The following SPMIP7 variants were observed in gnomAD, a reference collection of about 807,000 sequenced individuals.
The protein encoded by SPMIP7 is protein SPMIP7.
At chr7:50,141,190 A>C in the SPMIP7 span, 2 of 821,764 alleles carry the variant, frequency 2.4e-6, no homozygotes, top group Non-Finnish European at 3.9e-6. Flanking sequence ...TTGGCAAATA[A>C]ATTTCCTTTG....
chr7:50,110,978 AAT>A, the SPMIP7 span, among the ~76,000 whole-genome samples: 1 of 143,088 alleles, frequency 7.0e-6, no homozygotes, highest in Admixed American at 7.1e-5. Flanking sequence ...ACCATCAGCT[AAT>A]ATATATAATA....
At chr7:50,153,044 A>G in the SPMIP7 span, among the ~76,000 whole-genome samples, 1 of 152,316 alleles carries the variant, frequency 6.6e-6, no homozygotes, top group Non-Finnish European at 1.5e-5. Flanking sequence ...GACACTGAAG[A>G]TACAGGGATG....
the SPMIP7 span, among the ~76,000 whole-genome samples, chr7:50,121,820 A>T: frequency 1.7e-5 from 2 of 115,478 alleles, no homozygotes; most frequent in Non-Finnish European, 3.5e-5. Flanking sequence ...TGCCCAGCTA[A>T]TTTTTGTTTT....
At chr7:50,126,390 A>T in the SPMIP7 span, among the ~76,000 whole-genome samples, 4 of 151,512 alleles carry the variant, frequency 2.6e-5, no homozygotes, top group Admixed American at 2.6e-4. Context: ...TTTTTTTTTT[A>T]ATCAGAAGAC....
the SPMIP7 span, among the ~76,000 whole-genome samples, chr7:50,155,874 C>CCCTCACTATACA: frequency 3.9e-5 from 6 of 152,082 alleles, no homozygotes; most frequent in African/African-American, 4.8e-5. Flanking sequence ...TCATCCATGG[C>CCCTCACTATACA]CTGAGTGGGA....
At chr7:50,117,998 C>T in the SPMIP7 span, among the ~76,000 whole-genome samples, 434 of 152,276 alleles carry the variant, frequency 2.9e-3, 1 homozygote, top group Non-Finnish European at 5.4e-3. Context: ...AAAACTAAAC[C>T]TGAGTATCAA....
the SPMIP7 span, among the ~76,000 whole-genome samples, chr7:50,145,387 C>A: frequency 6.6e-6 from 1 of 150,964 alleles, no homozygotes; most frequent in South Asian, 2.1e-4. Context: ...TTTTAGTAAC[C>A]ATTTTACAGT....
the SPMIP7 span, among the ~76,000 whole-genome samples, chr7:50,134,828 C>T: frequency 6.6e-5 from 10 of 152,158 alleles, no homozygotes; most frequent in East Asian, 5.8e-4. Flanking sequence ...GATAACTTTT[C>T]GTAATGTGTG....
the SPMIP7 span, among the ~76,000 whole-genome samples, chr7:50,147,956 A>T: frequency 2.6e-5 from 4 of 152,206 alleles, no homozygotes; most frequent in Non-Finnish European, 4.4e-5. Flanking sequence ...AATTCTTTGA[A>T]CATGCGACTA....
chr7:50,156,827 C>G, the SPMIP7 span, among the ~76,000 whole-genome samples: 1 of 152,130 alleles, frequency 6.6e-6, no homozygotes, highest in Non-Finnish European at 1.5e-5. Flanking sequence ...AGAACCCCAG[C>G]GGAGTCTCCC....
At chr7:50,107,914 A>G in the SPMIP7 span, among the ~76,000 whole-genome samples, 2 of 152,240 alleles carry the variant, frequency 1.3e-5, no homozygotes, top group African/African-American at 4.8e-5. Context: ...TAAGAATGGA[A>G]AAAGGAAAAA....
chr7:50,099,927 G>A, the SPMIP7 span, among the ~76,000 whole-genome samples: 1 of 152,176 alleles, frequency 6.6e-6, no homozygotes, highest in African/African-American at 2.4e-5. Context: ...TCCAGAACTG[G>A]TGAGATAAAT....
the SPMIP7 span, among the ~76,000 whole-genome samples, chr7:50,114,280 C>T: frequency 6.6e-6 from 1 of 152,008 alleles, no homozygotes; most frequent in Non-Finnish European, 1.5e-5. Context: ...GAGTTCTTTA[C>T]AGTATCACTG....
chr7:50,117,024 G>A, the SPMIP7 span, among the ~76,000 whole-genome samples: 3 of 152,158 alleles, frequency 2.0e-5, no homozygotes, highest in Non-Finnish European at 4.4e-5. Context: ...CAAGCTTGCA[G>A]GATAATACAG....
the SPMIP7 span, among the ~76,000 whole-genome samples, chr7:50,106,230 T>C: frequency 6.6e-6 from 1 of 152,184 alleles, no homozygotes; most frequent in Non-Finnish European, 1.5e-5. Context: ...AGCCTAGCAC[T>C]TAGGGCCACT....
chr7:50,096,752 G>A, the SPMIP7 span: 13 of 839,618 alleles, frequency 1.5e-5, no homozygotes, highest in South Asian at 9.8e-5. Context: ...ATCTGAAAAA[G>A]GTTTTATTTT....
At chr7:50,140,026 A>G in the SPMIP7 span, 2,079 of 716,976 alleles carry the variant, frequency 2.9e-3, 9 homozygotes, top group Admixed American at 4.3e-3. Flanking sequence ...TTAAAGGACA[A>G]TTCCTATGAG....
the SPMIP7 span, among the ~76,000 whole-genome samples, chr7:50,130,728 A>G: frequency 0.025 from 3,863 of 152,184 alleles, 131 homozygotes; most frequent in South Asian, 0.11. Flanking sequence ...AGGCCTCCCC[A>G]GGTGCTGAGG....
At chr7:50,117,286 A>C in the SPMIP7 span, 34 of 456,028 alleles carry the variant, frequency 7.5e-5, no homozygotes, top group African/African-American at 6.8e-4. Flanking sequence ...GGCCAATCAC[A>C]TATTATAGCC....
Sources: allele counts gnomAD v4.1 joint callset (sites outside exome capture counted in the v4.1 genomes callset), GRCh38; gene constraint gnomAD v4.1.1; transcripts MANE v1.5; gene names NCBI Gene and HGNC (gene_info 2026-07-23, HGNC 2026-07-21).